The following SLC2A13 variants were observed in gnomAD, a reference collection of about 807,000 sequenced individuals.
The protein encoded by SLC2A13 is solute carrier family 2 member 13, also known as proton myo-inositol cotransporter.
Under a neutral mutation model 64.4 loss-of-function variants are expected in SLC2A13, and 32 were observed. The observed-to-expected ratio is 0.50, with a 90% CI of 0.37 to 0.67. The LOEUF (loss-of-function observed/expected upper bound fraction) is 0.67. Among genes scored for constraint, SLC2A13 ranks in the 30% least tolerant of loss-of-function variants. The pLI, the probability that SLC2A13 is intolerant of heterozygous loss-of-function variation, is 0.00. For missense variants in SLC2A13, 743 were observed against 829.2 expected (o/e 0.90, Z 1.28); for synonymous variants, 338 against 327.1 (o/e 1.03, Z -0.36).
intron 3 of SLC2A13, among the ~76,000 whole-genome samples, chr12:39,966,106 T>C (rs1478559825): frequency 6.8e-6 from 1 of 148,002 alleles, no homozygotes; most frequent in Non-Finnish European, 1.5e-5. Flanking sequence ...TATGCATATG[T>C]ATGTAGAGAT....
intron 6 of SLC2A13, among the ~76,000 whole-genome samples, chr12:39,833,989 CAAG>C (rs1942936730): frequency 6.6e-6 from 1 of 151,716 alleles, no homozygotes. Context: ...ATCCAGAGGC[CAAG>C]AAGAATCTGA....
Position 39,901,636 on chromosome 12 carries a change from A to T in SLC2A13, c.1035-29675T>A, listed in dbSNP as rs1236898257. 6.0e-3 allele frequency among the ~76,000 whole-genome samples: 761 copies of T among 126,744 alleles called. 6 individuals carry two copies. Among genetic ancestry groups the T allele is most frequent in the African/African-American group, 0.022 (722 of 33,282 alleles). The allele number at this position is 126,744 out of a possible 152,430, so 83.1% of individuals were successfully genotyped here. A position where few individuals can be genotyped will look rare whatever the true frequency, so the allele number is the denominator to read the frequency against. Reference sequence around the variant, plus strand: ...TCAGAGAAATGCAAATCAAAACCACAATGAGATACCATCTCACACCAGTTA... The same window carrying T: ...TCAGAGAAATGCAAATCAAAACCACTATGAGATACCATCTCACACCAGTTA... On this transcript the variant is annotated intron_variant, in intron 4 of 9. Coordinates refer to ENST00000280871, the MANE Select transcript of SLC2A13 (RefSeq NM_052885.4).
At chr12:40,086,072 C>G (rs557724732) in intron 1 of SLC2A13, among the ~76,000 whole-genome samples, 2 of 152,224 alleles carry the variant, frequency 1.3e-5, no homozygotes, top group East Asian at 3.9e-4. Context: ...CTCCTGACCT[C>G]GTGATCCACC....
At chr12:39,880,456 G>A (rs774322541) in intron 4 of SLC2A13, among the ~76,000 whole-genome samples, 1 of 152,028 alleles carries the variant, frequency 6.6e-6, no homozygotes, top group Non-Finnish European at 1.5e-5. Flanking sequence ...TTAAAAGTTA[G>A]AAAAGTAGAA....
At chr12:39,768,295 C>T (rs11173503) in intron 7 of SLC2A13, among the ~76,000 whole-genome samples, 55 of 152,172 alleles carry the variant, frequency 3.6e-4, no homozygotes, top group Non-Finnish European at 6.9e-4. Context: ...ATCCAGACCA[C>T]TCAAACTTTC....
intron 7 of SLC2A13, among the ~76,000 whole-genome samples, chr12:39,812,372 CTTTTCT>C (rs1942195800): frequency 1.4e-5 from 2 of 142,068 alleles, no homozygotes; most frequent in Admixed American, 7.0e-5. Flanking sequence ...CTTTTCTTTT[CTTTTCT>C]TTTCTTTCTT....
chr12:39,805,558 C>T (rs1443435587), intron 7 of SLC2A13, among the ~76,000 whole-genome samples: 3 of 151,482 alleles, frequency 2.0e-5, no homozygotes, highest in East Asian at 1.9e-4. Context: ...AGGCCTGAAA[C>T]AGTGTATTTA....
chr12:39,955,819 T>C (rs1308494736), intron 3 of SLC2A13, among the ~76,000 whole-genome samples: 1 of 152,094 alleles, frequency 6.6e-6, no homozygotes, highest in Non-Finnish European at 1.5e-5. Flanking sequence ...AGCCAAGGAA[T>C]GACAGGTGCC....
rs1944794165 is a variant in SLC2A13 at position 39,895,867 on chromosome 12, CACACACAT to C, written c.1035-23914_1035-23907del. ...ACACATATGTATATGCGTGTATATG[CACACACAT>C]ATGTATATGCGTGTATATGCACACA... is the stretch of plus-strand genomic sequence containing the variant. On this transcript the variant is annotated intron_variant, in intron 4 of 9. Coordinates refer to ENST00000280871, the MANE Select transcript of SLC2A13 (RefSeq NM_052885.4). Among the ~76,000 whole-genome samples the C allele has an allele frequency of 3.5e-4, 4 of 11,300 alleles. 2 individuals carry two copies. The highest frequency in any genetic ancestry group is 5.9e-4 in the Non-Finnish European group (2 of 3,362). 7.4% of individuals were successfully genotyped at this position (11,300 alleles called of 152,430 possible).
intron 7 of SLC2A13, among the ~76,000 whole-genome samples, chr12:39,770,409 A>G (rs1008262928): frequency 5.3e-5 from 8 of 152,126 alleles, no homozygotes; most frequent in African/African-American, 1.9e-4. Context: ...TCAAATCGTG[A>G]CTCTACCACT....
intron 1 of SLC2A13, among the ~76,000 whole-genome samples, chr12:40,075,591 A>G (rs1938139874): frequency 1.3e-5 from 2 of 152,168 alleles, no homozygotes; most frequent in African/African-American, 4.8e-5. Context: ...CTTTGAAATA[A>G]TACCATTTGA....
chr12:39,968,780 A>ATC (rs1683374510), intron 3 of SLC2A13, among the ~76,000 whole-genome samples: 1 of 9,368 alleles, frequency 1.1e-4, no homozygotes, highest in African/African-American at 2.6e-4. Context: ...ATATATATAT[A>ATC]TATATATATA....
intron 1 of SLC2A13, among the ~76,000 whole-genome samples, chr12:40,083,752 TA>T (rs1044973589): frequency 2.0e-5 from 3 of 152,158 alleles, no homozygotes; most frequent in African/African-American, 7.2e-5. Context: ...CCTCCAAAGG[TA>T]AAAGCCAGGA....
intron 4 of SLC2A13, among the ~76,000 whole-genome samples, chr12:39,912,610 T>A (rs1264425998): frequency 6.6e-6 from 1 of 152,096 alleles, no homozygotes; most frequent in Non-Finnish European, 1.5e-5. Context: ...GGCCTGTTTT[T>A]CTCTGAGTTG....
chr12:40,023,080 AC>A (rs1357335660), intron 3 of SLC2A13, among the ~76,000 whole-genome samples: 1 of 152,032 alleles, frequency 6.6e-6, no homozygotes, highest in Non-Finnish European at 1.5e-5. Flanking sequence ...TGTCCTAATA[AC>A]CTCATTCTCC....
intron 3 of SLC2A13, among the ~76,000 whole-genome samples, chr12:39,988,188 C>T (rs1465830818): frequency 6.6e-6 from 1 of 151,962 alleles, no homozygotes; most frequent in Non-Finnish European, 1.5e-5. Flanking sequence ...TTGTAAATGT[C>T]TTATTTTTAA....
chr12:39,839,940 T>C (rs78086357), intron 6 of SLC2A13, among the ~76,000 whole-genome samples: 2,303 of 152,248 alleles, frequency 0.015, 26 homozygotes, highest in Middle Eastern at 0.024. Flanking sequence ...AACCTGAGCA[T>C]GATTGCAGAA....
intron 7 of SLC2A13, among the ~76,000 whole-genome samples, chr12:39,818,194 T>C (rs965662288): frequency 1.3e-5 from 2 of 151,758 alleles, no homozygotes; most frequent in African/African-American, 2.4e-5. Flanking sequence ...ACCCACAGAG[T>C]TCCTAAAATC....
chr12:39,973,803 T>C (rs961807150), intron 3 of SLC2A13, among the ~76,000 whole-genome samples: 3 of 152,262 alleles, frequency 2.0e-5, no homozygotes, highest in Non-Finnish European at 2.9e-5. Flanking sequence ...ATTTGTTGTC[T>C]TGTTTTTCTC....
Sources: allele counts gnomAD v4.1 joint callset (sites outside exome capture counted in the v4.1 genomes callset), GRCh38; gene constraint gnomAD v4.1.1; transcripts MANE v1.5; gene names NCBI Gene and HGNC (gene_info 2026-07-23, HGNC 2026-07-21).